GRB14: variants seen among roughly 807,000 people sequenced by gnomAD.
GRB14 encodes growth factor receptor bound protein 14.
GRB14 carries 38 observed loss-of-function variants against 69.1 expected under a neutral mutation model. The observed-to-expected ratio is 0.55, with a 90% CI of 0.42 to 0.72. The LOEUF (loss-of-function observed/expected upper bound fraction) is 0.72. Ranked by LOEUF, GRB14 falls within the 30% of genes least tolerant of loss-of-function variation. The probability of loss-of-function intolerance (pLI) is 0.00; values close to 1 mark genes in which losing one functional copy is unlikely to be tolerated. For synonymous variants in GRB14, 247 were observed against 241.3 expected, an observed-to-expected ratio of 1.02 and a Z score of -0.22; for missense variants, 666 against 666.1, an observed-to-expected ratio of 1.00 and a Z score of 0.00.
intron 5 of GRB14, among the ~76,000 whole-genome samples, chr2:164,524,182 G>C (rs750950150): frequency 6.6e-6 from 1 of 152,076 alleles, no homozygotes; most frequent in Non-Finnish European, 1.5e-5. Context: ...AATATTAAAA[G>C]TTGTCTTCAT....
chr2:164,519,217 A>T (rs1687571617), intron 6 of GRB14, among the ~76,000 whole-genome samples: 1 of 152,224 alleles, frequency 6.6e-6, no homozygotes, highest in Non-Finnish European at 1.5e-5. Flanking sequence ...ATAATTTAAC[A>T]TATGCAAGTC....
chr2:164,501,148 C>A (rs1368949820), intron 9 of GRB14, among the ~76,000 whole-genome samples: 2 of 152,064 alleles, frequency 1.3e-5, no homozygotes, highest in Non-Finnish European at 2.9e-5. Flanking sequence ...TAAAAATTCA[C>A]TGTGCCCCTT....
Position 164,497,214 on chromosome 2 carries a change from T to C in GRB14, c.1291A>G (p.Met431Val), listed in dbSNP as rs1197212304. The change falls in exon 11 of 14, where the codon ATG (methionine) becomes GTG (valine). Residue 431 changes from methionine to valine, a missense_variant. Transcript: ENST00000263915. ...TASSQSSATN[M>V]AIHRSQPWFH... ...CAATGACTATGAACAGACATACCCATGTTTGTGGCAGAGCTCTGTGAAGAG... is the reference window on the plus strand; with the variant it reads ...CAATGACTATGAACAGACATACCCACGTTTGTGGCAGAGCTCTGTGAAGAG... The C allele has an allele frequency of 1.2e-6, 2 of 1,613,458 alleles. No homozygotes were observed. The highest frequency in any genetic ancestry group is 1.7e-6 in the Non-Finnish European group (2 of 1,179,488).
chr2:164,609,088 C>A (rs537235347), intron 2 of GRB14, among the ~76,000 whole-genome samples: 22 of 152,284 alleles, frequency 1.4e-4, no homozygotes, highest in African/African-American at 4.8e-4. Context: ...TTTCTATTAA[C>A]ATTTTAAAAG....
chr2:164,539,372 G>A (rs906723035), intron 3 of GRB14, among the ~76,000 whole-genome samples: 5 of 151,974 alleles, frequency 3.3e-5, no homozygotes, highest in African/African-American at 1.2e-4. Context: ...CTACTCAGGA[G>A]TCTGAGGCGC....
At chr2:164,554,668 T>C (rs1688632862) in intron 2 of GRB14, among the ~76,000 whole-genome samples, 1 of 152,118 alleles carries the variant, frequency 6.6e-6, no homozygotes, top group Non-Finnish European at 1.5e-5. Flanking sequence ...TAGGAGCACA[T>C]GGCACCTAGC....
chr2:164,531,592 A>G (rs1687939223), intron 3 of GRB14, among the ~76,000 whole-genome samples: 1 of 152,210 alleles, frequency 6.6e-6, no homozygotes, highest in African/African-American at 2.4e-5. Context: ...AGGAAGAAGC[A>G]TGCCTAGTCA....
intron 2 of GRB14, among the ~76,000 whole-genome samples, chr2:164,608,151 C>T (rs377364756): frequency 6.6e-6 from 1 of 152,200 alleles, no homozygotes. Flanking sequence ...GCGGGCAGAT[C>T]AACTGAGGTC....
intron 2 of GRB14, among the ~76,000 whole-genome samples, chr2:164,591,496 G>A (rs1353960066): frequency 6.6e-6 from 1 of 152,112 alleles, no homozygotes; most frequent in Non-Finnish European, 1.5e-5. Context: ...GAGGTCAAGG[G>A]AAAAGGCTAT....
chr2:164,615,412 A>T (rs1199612177), intron 2 of GRB14, among the ~76,000 whole-genome samples: 3 of 152,194 alleles, frequency 2.0e-5, no homozygotes, highest in Non-Finnish European at 1.5e-5. Context: ...ATGAATATTA[A>T]CAAATGGCGT....
At chr2:164,522,176 T>C (rs1687651523) in intron 5 of GRB14, 59 bp from the exon 6 acceptor site, 3 of 908,402 alleles carry the variant, frequency 3.3e-6, no homozygotes, top group South Asian at 1.6e-5. Context: ...GGTAGCCTTA[T>C]ACTAATCATA....
chr2:164,576,777 A>T (rs911401209), intron 2 of GRB14, among the ~76,000 whole-genome samples: 1 of 151,772 alleles, frequency 6.6e-6, no homozygotes, highest in Non-Finnish European at 1.5e-5. Flanking sequence ...AAACCTAAGG[A>T]AATCAGAAAG....
At chr2:164,531,958 T>C (rs180732070) in intron 3 of GRB14, among the ~76,000 whole-genome samples, 43 of 152,274 alleles carry the variant, frequency 2.8e-4, no homozygotes, top group African/African-American at 8.4e-4. Context: ...AAGAGTATTG[T>C]AGTGCCACAT....
chr2:164,570,356 CATTTCACT>C (rs1310253250), intron 2 of GRB14, among the ~76,000 whole-genome samples: 1 of 148,994 alleles, frequency 6.7e-6, no homozygotes, highest in African/African-American at 2.5e-5. Context: ...GAAAGTAATT[CATTTCACT>C]AAATTATCAA....
At chr2:164,590,107 T>C (rs1689628118) in intron 2 of GRB14, among the ~76,000 whole-genome samples, 1 of 152,176 alleles carries the variant, frequency 6.6e-6, no homozygotes, top group Non-Finnish European at 1.5e-5. Flanking sequence ...TTGCAGGCAG[T>C]GGGAACCATA....
Position 164,547,759 on chromosome 2 carries a change from T to C in GRB14, c.382A>G (p.Ile128Val), listed in dbSNP as rs1688419168. ...TSRALDVPSD[I>V]TARDVCQLLI... The stretch of plus-strand genomic sequence containing the variant: ...AGCTGACAAACATCTCGAGCCGTTA[T>C]GTCACTGGGTACATCTAAAGCCCTG... The change falls in exon 3 of 14, where the codon ATA becomes GTA. Residue 128 changes from isoleucine (I) to valine (V), a missense_variant. Ile to Val is a conservative substitution (Grantham distance 29). Transcript: ENST00000263915. 6.2e-7 allele frequency: 1 copy of C among 1,613,762 alleles called. No homozygotes were observed. Among genetic ancestry groups the C allele is most frequent in the African/African-American group, 1.3e-5 (1 of 74,936 alleles).
At chr2:164,617,974 A>AGGGG (rs1690343987) in intron 2 of GRB14, among the ~76,000 whole-genome samples, 1 of 54,944 alleles carries the variant, frequency 1.8e-5, no homozygotes, top group Non-Finnish European at 3.6e-5. Flanking sequence ...GGGGGGGGGT[A>AGGGG]GTGTCAGCGG....
intron 3 of GRB14, among the ~76,000 whole-genome samples, chr2:164,546,523 G>A (rs774261374): frequency 1.3e-5 from 2 of 152,094 alleles, no homozygotes; most frequent in Non-Finnish European, 2.9e-5. Flanking sequence ...TTCCACGGGC[G>A]ACAGGAAAGT....
intron 2 of GRB14, among the ~76,000 whole-genome samples, chr2:164,603,659 C>T (rs1260097665): frequency 3.6e-5 from 3 of 83,820 alleles, no homozygotes; most frequent in Non-Finnish European, 8.3e-5. Flanking sequence ...TGAGACACCA[C>T]CTCAAAAAAA....
Sources: allele counts gnomAD v4.1 joint callset (sites outside exome capture counted in the v4.1 genomes callset), GRCh38; gene constraint gnomAD v4.1.1; transcripts MANE v1.5; gene names NCBI Gene and HGNC (gene_info 2026-07-23, HGNC 2026-07-21).